PLA2G10: variants seen among roughly 807,000 people sequenced by gnomAD.
PLA2G10 encodes the protein group 10 secretory phospholipase A2.
Under a neutral mutation model 7.9 loss-of-function variants are expected in PLA2G10, and 9 were observed. That is an observed-to-expected ratio of 1.14 (90% CI 0.68 to 1.98). The LOEUF is 1.98. PLA2G10 is among the 30% of genes most tolerant of loss of function. PLA2G10 has a pLI of 0.00. For missense variants in PLA2G10, 53 were observed against 65.4 expected (o/e 0.81, Z 0.66); for synonymous variants, 19 against 27.5 (o/e 0.69, Z 0.97).
At chr16:14,683,409 G>A (rs1457492313) in intron 3 of PLA2G10, among the ~76,000 whole-genome samples, 4 of 151,062 alleles carry the variant, frequency 2.6e-5, no homozygotes, top group African/African-American at 9.7e-5. Flanking sequence ...ATTTTTTTTT[G>A]TATCTTAGTA....
intron 3 of PLA2G10, among the ~76,000 whole-genome samples, chr16:14,675,573 T>C (rs1960703851): frequency 6.6e-6 from 1 of 152,002 alleles, no homozygotes; most frequent in Admixed American, 6.6e-5. Flanking sequence ...AAACTACATA[T>C]CTGACAAAGG....
Position 14,672,640 on chromosome 16 carries a change from G to A in PLA2G10, c.465C>T (p.Phe155=). 6.2e-7 allele frequency: 1 copy of A among 1,614,102 alleles called. No individual in the cohort carries two copies. Among genetic ancestry groups the A allele is most frequent in the Non-Finnish European group, 8.5e-7 (1 of 1,179,980 alleles). The stretch of plus-strand genomic sequence containing the variant: ...ACTTGGGCGAGTCCGGCTCACATAG[G>A]AACTGGGGGTAGAAGAGGTACTTTA... ...YNLKYLFYPQ[F]LCEPDSPKCD The change falls in exon 4 of 4, where the codon TTC becomes TTT. Residue 155 remains phenylalanine (F), a synonymous_variant. Coordinates refer to ENST00000438167, the MANE Select transcript of PLA2G10 (RefSeq NM_003561.3).
intron 3 of PLA2G10, among the ~76,000 whole-genome samples, chr16:14,678,076 C>A (rs560341960): frequency 6.6e-6 from 1 of 152,264 alleles, no homozygotes; most frequent in African/African-American, 2.4e-5. Context: ...CCATGGGCTG[C>A]TGCACAACAG....
chr16:14,678,823 G>T, intron 3 of PLA2G10: 1 of 310,660 alleles, frequency 3.2e-6, no homozygotes, highest in Admixed American at 3.9e-5. Flanking sequence ...ACCCTCCTTG[G>T]CTCCCCATCT....
intron 3 of PLA2G10, among the ~76,000 whole-genome samples, chr16:14,680,102 T>TG (rs1960847876): frequency 1.4e-5 from 1 of 72,594 alleles, no homozygotes; most frequent in South Asian, 4.7e-4. Context: ...TTTGCTTTTC[T>TG]TTTTTTTTTT....
intron 3 of PLA2G10, among the ~76,000 whole-genome samples, chr16:14,684,649 A>G (rs1961000943): frequency 6.6e-6 from 1 of 151,652 alleles, no homozygotes; most frequent in Non-Finnish European, 1.5e-5. Context: ...CTGGGCGACA[A>G]AGTGAGACTT....
chr16:14,684,695 A>G (rs1479513315), intron 3 of PLA2G10, among the ~76,000 whole-genome samples: 1 of 152,040 alleles, frequency 6.6e-6, no homozygotes, highest in East Asian at 1.9e-4. Context: ...CGTGCCACAC[A>G]CCTATAGTCT....
intron 3 of PLA2G10, among the ~76,000 whole-genome samples, chr16:14,676,133 T>C (rs1303062424): frequency 3.9e-5 from 6 of 152,054 alleles, no homozygotes; most frequent in Non-Finnish European, 8.8e-5. Context: ...CTGAATGTGA[T>C]GAAAAAAGAA....
intron 3 of PLA2G10, among the ~76,000 whole-genome samples, chr16:14,674,617 CTTAA>C (rs1960676602): frequency 6.6e-6 from 1 of 152,010 alleles, no homozygotes; most frequent in Non-Finnish European, 1.5e-5. Flanking sequence ...AGGAGAATCA[CTTAA>C]ACCTGGGGGG....
rs748340733 is a variant in PLA2G10, at chr16:14,672,602, G to C, written c.*5C>G. On this transcript the variant is annotated 3_prime_UTR_variant, in exon 4 of 4. Transcript: ENST00000438167. ...TGTGCAAAAGAGCATTTCAAGTCAA[G>C]GTAGTCAGTCACACTTGGGCGAGTC... is the stretch of plus-strand genomic sequence containing the variant. 30 of 1,613,556 alleles carry C rather than the reference G, an allele frequency of 1.9e-5. No individual in the cohort carries two copies. Among genetic ancestry groups the C allele is most frequent in the African/African-American group, 4.0e-5 (3 of 74,912 alleles).
chr16:14,687,037 G>A (rs1024363818), intron 3 of PLA2G10, among the ~76,000 whole-genome samples: 5 of 151,876 alleles, frequency 3.3e-5, no homozygotes, highest in African/African-American at 1.2e-4. Flanking sequence ...GAACCCAAGA[G>A]GTGGAGGTTG....
intron 1 of PLA2G10, among the ~76,000 whole-genome samples, chr16:14,693,355 G>A (rs1432494155): frequency 3.1e-5 from 1 of 31,816 alleles, no homozygotes; most frequent in Non-Finnish European, 6.8e-5. Flanking sequence ...GTGTGTACAC[G>A]GTGCATCTGA....
intron 3 of PLA2G10, among the ~76,000 whole-genome samples, chr16:14,682,491 C>G (rs915614006): frequency 6.6e-6 from 1 of 152,112 alleles, no homozygotes; most frequent in Non-Finnish European, 1.5e-5. Context: ...ATGAGAATCA[C>G]TTGAACCTGG....
At chr16:14,685,569 G>A (rs1429455462) in intron 3 of PLA2G10, among the ~76,000 whole-genome samples, 1 of 152,094 alleles carries the variant, frequency 6.6e-6, no homozygotes, top group Non-Finnish European at 1.5e-5. Flanking sequence ...TAAGGGGAAA[G>A]GGATTTTTCG....
At chr16:14,675,581 AG>A (rs1960704043) in intron 3 of PLA2G10, among the ~76,000 whole-genome samples, 1 of 152,180 alleles carries the variant, frequency 6.6e-6, no homozygotes, top group Non-Finnish European at 1.5e-5. Context: ...TATCTGACAA[AG>A]GACTAATATC....
intron 3 of PLA2G10, among the ~76,000 whole-genome samples, chr16:14,676,302 G>A (rs1286517258): frequency 3.3e-5 from 5 of 152,132 alleles, no homozygotes; most frequent in African/African-American, 9.7e-5. Context: ...TCAAAAAGAC[G>A]TGCGCGCATT....
At chr16:14,675,971 T>C (rs994504221) in intron 3 of PLA2G10, among the ~76,000 whole-genome samples, 1 of 143,160 alleles carries the variant, frequency 7.0e-6, no homozygotes, top group African/African-American at 2.6e-5. Flanking sequence ...ATGACATGAA[T>C]AGACATTTCT....
chr16:14,701,806 C>T, the PLA2G10 span: 1 of 42,502 alleles, frequency 2.4e-5, no homozygotes, highest in African/African-American at 6.5e-5. Context: ...TTTCTTGAGC[C>T]CAGGAATTTG....
chr16:14,675,507 A>G (rs1454645342), intron 3 of PLA2G10, among the ~76,000 whole-genome samples: 2 of 152,206 alleles, frequency 1.3e-5, no homozygotes, highest in East Asian at 1.9e-4. Context: ...CTGCATAGCA[A>G]AAGAAGTAAT....
Sources: allele counts gnomAD v4.1 joint callset (sites outside exome capture counted in the v4.1 genomes callset), GRCh38; gene constraint gnomAD v4.1.1; transcripts MANE v1.5; gene names NCBI Gene and HGNC (gene_info 2026-07-23, HGNC 2026-07-21).